PUDP: variants seen among roughly 807,000 people sequenced by gnomAD.
PUDP encodes pseudouridine 5'-phosphatase.
PUDP carries 8 observed loss-of-function variants against 9.4 expected under a neutral mutation model. That is an observed-to-expected ratio of 0.85 (90% CI 0.50 to 1.53). The LOEUF is 1.53. Ranked by LOEUF, PUDP falls within the 40% of genes most tolerant of loss-of-function variation. The pLI is 0.00. For synonymous variants in PUDP, 99 were observed against 80.7 expected (o/e 1.23, Z -1.22); for missense variants, 188 against 189.7 (o/e 0.99, Z 0.05).
At chrX:7,083,383 T>C (rs1463851509) in intron 2 of PUDP, among the ~76,000 whole-genome samples, 1 of 111,431 alleles carries the variant, frequency 9.0e-6, no homozygotes, top group Non-Finnish European at 1.9e-5. Context: ...ATAATTAGTA[T>C]TCATGAAGAC....
At chrX:7,106,914 A>G (rs1266663344) in intron 1 of PUDP, among the ~76,000 whole-genome samples, 5 of 111,897 alleles carry the variant, frequency 4.5e-5, no homozygotes, top group Non-Finnish European at 9.4e-5. Flanking sequence ...GGTAAGCTCC[A>G]TGGAGCTGAG....
At chrX:7,132,162 T>C (rs1180247886) in intron 1 of PUDP, among the ~76,000 whole-genome samples, 7 of 111,366 alleles carry the variant, frequency 6.3e-5, no homozygotes, top group Non-Finnish European at 1.1e-4. Flanking sequence ...GTTGTCTCAG[T>C]ATCTGGCAAC....
chrX:7,107,135 A>G (rs1275150170), intron 1 of PUDP, among the ~76,000 whole-genome samples: 1 of 112,127 alleles, frequency 8.9e-6, no homozygotes, highest in Admixed American at 9.4e-5. Context: ...TAGGAGACTG[A>G]CCACCTGTTC....
rs751965991 is a variant in PUDP, at chrX:6,798,142, G to T, written c.*248-91676C>A. ...ATTTATAAAGGAAAGAGATTTAATG[G>T]ACTCACAGTTCCACATGGCTGGGGA... is the stretch of plus-strand genomic sequence containing the variant. On this transcript the variant is annotated intron_variant and NMD_transcript_variant, in intron 3 of 3. Transcript: ENST00000655425. Among the ~76,000 whole-genome samples the T allele has an allele frequency of 5.3e-5, 6 of 112,197 alleles. No homozygotes were observed. The South Asian group carries it at 1.1e-3, about 21-fold the overall frequency.
At chrX:6,987,163 C>T (rs1929114561) in intron 1 of PUDP, among the ~76,000 whole-genome samples, 2 of 112,069 alleles carry the variant, frequency 1.8e-5, no homozygotes, top group African/African-American at 6.5e-5. Context: ...GACAGAGCAG[C>T]AGAGAGAAAG....
chrX:6,721,259 C>T (rs760386475), intron 1 of PUDP, among the ~76,000 whole-genome samples: 7 of 111,849 alleles, frequency 6.3e-5, no homozygotes, highest in African/African-American at 1.9e-4. Context: ...TTAGAAATTA[C>T]GCCAGCTTTT....
intron 3 of PUDP, among the ~76,000 whole-genome samples, chrX:6,862,094 T>G (rs1032695352): frequency 9.0e-5 from 10 of 111,661 alleles, no homozygotes; most frequent in Non-Finnish European, 1.7e-4. Context: ...AGATGGAGCT[T>G]AAGTGACTGT....
rs1368017052 is a variant in PUDP at position 7,027,864 on chromosome X, A to ATATAGAC, written c.204+49355_204+49356insGTCTATA. Among the ~76,000 whole-genome samples the ATATAGAC allele has an allele frequency of 1.0e-3, 80 of 78,755 alleles. 11 individuals are homozygous for ATATAGAC. Among genetic ancestry groups the ATATAGAC allele is most frequent in the African/African-American group, 4.4e-3 (74 of 16,711 alleles). 68.4% of individuals were successfully genotyped at this position (78,755 alleles called of 115,157 possible). ...TATATATAGACTATATATAGACTAT[A>ATATAGAC]TATATAGAATATATTATTTTCTATA... On this transcript the variant is annotated intron_variant and NMD_transcript_variant, in intron 1 of 3. Transcript: ENST00000655425.
At chrX:6,940,329 C>G (rs1242664538) in intron 3 of PUDP, among the ~76,000 whole-genome samples, 1 of 112,820 alleles carries the variant, frequency 8.9e-6, no homozygotes, top group Non-Finnish European at 1.9e-5. Flanking sequence ...CGACAAGGAC[C>G]ATATGGCTCA....
intron 3 of PUDP, among the ~76,000 whole-genome samples, chrX:6,932,584 G>C (rs1329888462): frequency 9.0e-6 from 1 of 110,678 alleles, no homozygotes; most frequent in Non-Finnish European, 1.9e-5. Context: ...CTGAGGTACC[G>C]GGTTCATCTC....
chrX:6,820,135 G>A (rs749723733), intron 3 of PUDP, among the ~76,000 whole-genome samples: 11 of 109,521 alleles, frequency 1.0e-4, no homozygotes, highest in Middle Eastern at 4.6e-3. Flanking sequence ...AAAATGAGAC[G>A]TAAGCAAAAG....
upstream of PUDP, among the ~76,000 whole-genome samples, chrX:6,726,302 G>T (rs1924737728): frequency 9.0e-6 from 1 of 111,689 alleles, no homozygotes; most frequent in Non-Finnish European, 1.9e-5. Context: ...CTAGGGAGAG[G>T]TTGGTTAACG....
At chrX:6,790,014 T>C (rs1238590167) in intron 3 of PUDP, among the ~76,000 whole-genome samples, 2 of 107,574 alleles carry the variant, frequency 1.9e-5, no homozygotes, top group African/African-American at 3.4e-5. Context: ...TAGAGATAGG[T>C]AGAGAAAAAA....
intron 2 of PUDP, among the ~76,000 whole-genome samples, chrX:7,087,391 G>A (rs1931295738): frequency 9.0e-6 from 1 of 111,360 alleles, no homozygotes; most frequent in African/African-American, 3.3e-5. Flanking sequence ...GAGAGGGAGT[G>A]CAGCCCTGCT....
intron 3 of PUDP, among the ~76,000 whole-genome samples, chrX:6,828,055 G>A (rs1282547005): frequency 9.0e-6 from 1 of 111,683 alleles, no homozygotes; most frequent in Non-Finnish European, 1.9e-5. Context: ...TCTAACAATA[G>A]GCATATACAC....
At chrX:6,802,611 C>A (rs939803664) in intron 3 of PUDP, among the ~76,000 whole-genome samples, 1 of 110,416 alleles carries the variant, frequency 9.1e-6, no homozygotes, top group Non-Finnish European at 1.9e-5. Context: ...GGGCTGGGTG[C>A]GGTGGCTCAC....
Position 6,758,294 on chromosome X carries a change from T to G in PUDP, c.*248-51828A>C, listed in dbSNP as rs1405502440. On this transcript the variant is annotated intron_variant and NMD_transcript_variant, in intron 3 of 3. Transcript: ENST00000655425. Reference sequence around the variant, plus strand: ...CTGGGCAACAAGGTGATACCCGGTCTCTACAAAAATTTTTTTTAATTAGCT... The same window carrying G: ...CTGGGCAACAAGGTGATACCCGGTCGCTACAAAAATTTTTTTTAATTAGCT... 4.5e-5 allele frequency among the ~76,000 whole-genome samples: 5 copies of G among 110,460 alleles called. No individual in the cohort carries two copies. The South Asian group carries it at 2.0e-3, about 44-fold the overall frequency.
At chrX:6,747,121 T>C (rs781102676) in intron 3 of PUDP, among the ~76,000 whole-genome samples, 1 of 111,892 alleles carries the variant, frequency 8.9e-6, no homozygotes, top group Admixed American at 9.5e-5. Flanking sequence ...ACGGGCATGA[T>C]TGGCCGTTTT....
intron 3 of PUDP, among the ~76,000 whole-genome samples, chrX:6,857,269 T>C (rs1926920988): frequency 8.8e-6 from 1 of 112,995 alleles, no homozygotes; most frequent in East Asian, 2.8e-4. Context: ...CAGAATATAA[T>C]GTGGCAAACT....
Sources: allele counts gnomAD v4.1 joint callset (sites outside exome capture counted in the v4.1 genomes callset), GRCh38; gene constraint gnomAD v4.1.1; transcripts MANE v1.5; gene names NCBI Gene and HGNC (gene_info 2026-07-23, HGNC 2026-07-21).